DIAPH2: variants seen among roughly 807,000 people sequenced by gnomAD.
DIAPH2 encodes the protein diaphanous related formin 2, also known as protein diaphanous homolog 2.
In DIAPH2, 35 loss-of-function variants were observed where a neutral mutation model predicts 92.7. The observed-to-expected ratio is 0.38, with a 90% confidence interval of 0.29 to 0.50. DIAPH2 has a LOEUF of 0.50. Ranked by LOEUF, DIAPH2 falls within the 20% of genes least tolerant of loss-of-function variation. The probability of loss-of-function intolerance (pLI) is 0.94; values close to 1 mark genes in which losing one functional copy is unlikely to be tolerated. For missense variants in DIAPH2, 701 were observed against 819.5 expected (o/e 0.86, Z 1.77); for synonymous variants, 301 against 280.4 (o/e 1.07, Z -0.73).
chrX:97,396,995 TC>T (rs1262707165), intron 25 of DIAPH2, among the ~76,000 whole-genome samples: 1 of 112,139 alleles, frequency 8.9e-6, no homozygotes, highest in Non-Finnish European at 1.9e-5. Flanking sequence ...CATCTATATT[TC>T]TTTTTTTATA....
intron 4 of DIAPH2, among the ~76,000 whole-genome samples, chrX:96,784,630 G>C (rs891878384): frequency 1.4e-4 from 16 of 112,093 alleles, no homozygotes; most frequent in Non-Finnish European, 2.6e-4. Context: ...ACAAACATCT[G>C]TCTCTTTCCT....
intron 4 of DIAPH2, among the ~76,000 whole-genome samples, chrX:96,870,046 G>A (rs1012352634): frequency 1.8e-5 from 2 of 110,697 alleles, no homozygotes; most frequent in East Asian, 5.7e-4. Flanking sequence ...GTTTTGTACT[G>A]TCCTCAGAGG....
At chrX:97,073,488 A>T (rs1327999480) in intron 18 of DIAPH2, among the ~76,000 whole-genome samples, 1 of 112,515 alleles carries the variant, frequency 8.9e-6, no homozygotes, top group Admixed American at 9.4e-5. Context: ...AACTGCATTT[A>T]AAAACTGGTT....
At chrX:96,884,206 G>T (rs963335873) in intron 5 of DIAPH2, 2 of 648,641 alleles carry the variant, frequency 3.1e-6, no homozygotes, top group South Asian at 2.9e-5. Flanking sequence ...ACAGCTCGAA[G>T]CCTTCTGTGG....
intron 23 of DIAPH2, among the ~76,000 whole-genome samples, chrX:97,264,095 G>T (rs2068313966): frequency 9.2e-6 from 1 of 108,674 alleles, no homozygotes; most frequent in Admixed American, 1.0e-4. Context: ...GCTAAATTTT[G>T]TATTTTTTGT....
intron 24 of DIAPH2, among the ~76,000 whole-genome samples, chrX:97,365,947 G>A (rs1005917512): frequency 1.8e-5 from 2 of 111,068 alleles, no homozygotes; most frequent in Admixed American, 9.6e-5. Context: ...TGTACTACCC[G>A]CCTCAGCCTC....
intron 7 of DIAPH2, among the ~76,000 whole-genome samples, chrX:96,913,707 T>C (rs1283803529): frequency 9.0e-6 from 1 of 111,153 alleles, no homozygotes; most frequent in East Asian, 2.8e-4. Context: ...GTTTTATTAA[T>C]GTCAGCAAGT....
intron 4 of DIAPH2, among the ~76,000 whole-genome samples, chrX:96,776,162 T>A (rs1482998038): frequency 5.4e-5 from 6 of 111,710 alleles, no homozygotes; most frequent in Non-Finnish European, 9.4e-5. Flanking sequence ...ATGAAAATAT[T>A]TGCATTTTAA....
intron 26 of DIAPH2, among the ~76,000 whole-genome samples, chrX:97,502,635 C>A (rs1224776468): frequency 3.6e-5 from 4 of 112,395 alleles, no homozygotes; most frequent in African/African-American, 1.3e-4. Flanking sequence ...ATTTTTCTTG[C>A]AAAATCTTAT....
rs376899417 is a variant in DIAPH2, at chrX:97,283,044, C to T, written c.2844+35205C>T. Among the ~76,000 whole-genome samples the T allele has an allele frequency of 4.6e-4, 51 of 111,613 alleles. 2 individuals are homozygous for T. The East Asian group carries it at 7.6e-3, about 17-fold the overall frequency. On this transcript the variant is annotated intron_variant, in intron 23 of 26. Coordinates refer to ENST00000324765, the MANE Select transcript of DIAPH2 (RefSeq NM_006729.5). ...GTAGTGGTAGATGGAGGCTGACAGA[C>T]ACCTTCCAGATCCACTTTAGAGGTA...
At chrX:96,900,925 T>C (rs886317575) in intron 5 of DIAPH2, among the ~76,000 whole-genome samples, 2 of 111,959 alleles carry the variant, frequency 1.8e-5, no homozygotes, top group Admixed American at 9.5e-5. Flanking sequence ...TGCAGTTTTC[T>C]TTTTTGTTAC....
intron 4 of DIAPH2, among the ~76,000 whole-genome samples, chrX:96,812,075 G>C (rs776292626): frequency 8.9e-6 from 1 of 111,766 alleles, no homozygotes; most frequent in Admixed American, 9.5e-5. Flanking sequence ...CTATTGATTG[G>C]AATAGTTTCA....
chrX:97,085,076 T>C (rs951128008), intron 19 of DIAPH2, among the ~76,000 whole-genome samples: 1 of 111,545 alleles, frequency 9.0e-6, no homozygotes, highest in Non-Finnish European at 1.9e-5. Context: ...CTGAAAATGT[T>C]TTAGGAACCT....
intron 25 of DIAPH2, among the ~76,000 whole-genome samples, chrX:97,385,195 G>T (rs1284829874): frequency 9.0e-6 from 1 of 111,145 alleles, no homozygotes; most frequent in Non-Finnish European, 1.9e-5. Flanking sequence ...CTATAATATT[G>T]ACCACATGCC....
intron 4 of DIAPH2, among the ~76,000 whole-genome samples, chrX:96,821,511 A>G (rs963708153): frequency 2.7e-5 from 3 of 112,142 alleles, no homozygotes; most frequent in African/African-American, 6.5e-5. Flanking sequence ...GCAGTCAGTG[A>G]TGATCACACC....
chrX:97,319,071 A>C (rs758651002), intron 23 of DIAPH2, among the ~76,000 whole-genome samples: 1 of 111,909 alleles, frequency 8.9e-6, no homozygotes, highest in Admixed American at 9.6e-5. Context: ...AATTCTTCAG[A>C]TCTAGAAAGT....
At chrX:96,723,859 A>T (rs2064003520) in intron 1 of DIAPH2, among the ~76,000 whole-genome samples, 1 of 110,594 alleles carries the variant, frequency 9.0e-6, no homozygotes, top group African/African-American at 3.3e-5. Context: ...TGATTATGGT[A>T]CTGACACAGT....
intron 23 of DIAPH2, among the ~76,000 whole-genome samples, chrX:97,272,018 G>A (rs775247735): frequency 9.2e-6 from 1 of 109,237 alleles, no homozygotes; most frequent in African/African-American, 3.3e-5. Context: ...TTTTCTTTAA[G>A]ATGGAGTTTC....
intron 23 of DIAPH2, among the ~76,000 whole-genome samples, chrX:97,267,404 C>T (rs2068346622): frequency 9.0e-6 from 1 of 111,510 alleles, no homozygotes; most frequent in Non-Finnish European, 1.9e-5. Flanking sequence ...CATTAGCTTA[C>T]TTAGGTTACA....
Sources: allele counts gnomAD v4.1 joint callset (sites outside exome capture counted in the v4.1 genomes callset), GRCh38; gene constraint gnomAD v4.1.1; transcripts MANE v1.5; gene names NCBI Gene and HGNC (gene_info 2026-07-23, HGNC 2026-07-21).